The following TNRC6B variants were observed in gnomAD, a reference collection of about 807,000 sequenced individuals.
TNRC6B encodes the protein trinucleotide repeat containing adaptor 6B, also known as trinucleotide repeat-containing gene 6B protein.
In TNRC6B, 52 loss-of-function variants were observed where a neutral mutation model predicts 203.6. The ratio of observed to expected loss-of-function variants is 0.26; its 90% CI spans 0.20 to 0.32. The LOEUF (loss-of-function observed/expected upper bound fraction) is 0.32. TNRC6B is among the 10% of genes least tolerant of loss of function. The pLI, the probability that TNRC6B is intolerant of heterozygous loss-of-function variation, is 1.00. For synonymous variants in TNRC6B, 838 were observed against 845.7 expected, an observed-to-expected ratio of 0.99 and a Z score of 0.16; for missense variants, 1,923 against 2,286.2, an observed-to-expected ratio of 0.84 and a Z score of 3.24.
At chr22:40,318,297 C>T (rs990203503) in intron 21 of TNRC6B, among the ~76,000 whole-genome samples, 7 of 152,168 alleles carry the variant, frequency 4.6e-5, no homozygotes, top group African/African-American at 1.7e-4. Context: ...CCTGTAATCC[C>T]AGCACTTTGG....
chr22:40,180,202 T>C (rs2069114326), intron 1 of TNRC6B, among the ~76,000 whole-genome samples: 1 of 152,244 alleles, frequency 6.6e-6, no homozygotes, highest in Non-Finnish European at 1.5e-5. Flanking sequence ...TTTTTGTTGC[T>C]GTTTTTCTGA....
intron 1 of TNRC6B, among the ~76,000 whole-genome samples, chr22:40,108,410 G>A (rs962976198): frequency 6.6e-6 from 1 of 152,198 alleles, no homozygotes; most frequent in Non-Finnish European, 1.5e-5. Context: ...TTGGAAGTTA[G>A]GGCTTAGGAG....
intron 12 of TNRC6B, among the ~76,000 whole-genome samples, chr22:40,286,719 G>A (rs942290956): frequency 2.6e-5 from 4 of 152,186 alleles, no homozygotes; most frequent in Admixed American, 2.6e-4. Flanking sequence ...CTGTCCCTTA[G>A]TAGGAGATGT....
intron 1 of TNRC6B, among the ~76,000 whole-genome samples, chr22:40,105,929 C>A (rs889344326): frequency 7.2e-5 from 11 of 152,144 alleles, no homozygotes; most frequent in African/African-American, 2.7e-4. Context: ...ATAGCCCGAG[C>A]AACACTTAAT....
chr22:40,136,401 GTA>G (rs1555884886), intron 3 of TNRC6B, among the ~76,000 whole-genome samples: 1 of 140,986 alleles, frequency 7.1e-6, no homozygotes, highest in Non-Finnish European at 1.5e-5. Context: ...GTGTGTGTGT[GTA>G]TACTTTTTTT....
chr22:40,166,409 C>T (rs567243286), intron 4 of TNRC6B, among the ~76,000 whole-genome samples: 1 of 150,550 alleles, frequency 6.6e-6, no homozygotes, highest in African/African-American at 2.4e-5. Context: ...TTTTCCCCTA[C>T]ATTTTTTGGC....
At chr22:40,288,378 T>C (rs1047740213) in intron 12 of TNRC6B, among the ~76,000 whole-genome samples, 1 of 152,142 alleles carries the variant, frequency 6.6e-6, no homozygotes, top group African/African-American at 2.4e-5. Context: ...CTATTAAAGA[T>C]TTTTCAGCTG....
At chr22:40,237,253 C>G (rs2069960645) in intron 1 of TNRC6B, among the ~76,000 whole-genome samples, 1 of 152,184 alleles carries the variant, frequency 6.6e-6, no homozygotes, top group African/African-American at 2.4e-5. Flanking sequence ...GCACTGCAGG[C>G]TGTCTTCAGA....
At chr22:40,272,965 A>G (rs2070585070) in intron 6 of TNRC6B, among the ~76,000 whole-genome samples, 1 of 152,230 alleles carries the variant, frequency 6.6e-6, no homozygotes, top group Admixed American at 6.5e-5. Context: ...CTTCACCCCA[A>G]GCAAGCTAGA....
intron 1 of TNRC6B, among the ~76,000 whole-genome samples, chr22:40,099,925 G>C (rs145196721): frequency 2.8e-4 from 42 of 151,990 alleles, no homozygotes; most frequent in African/African-American, 8.9e-4. Flanking sequence ...TAATTTTTTT[G>C]TATTTTTAGC....
At chr22:40,125,997 G>T (rs895561882) in intron 3 of TNRC6B, 5 of 888,512 alleles carry the variant, frequency 5.6e-6, no homozygotes, top group African/African-American at 1.7e-5. Context: ...ATAAGATTGA[G>T]AAATATTTTT....
At position 40,266,661 on chromosome 22, in the gene TNRC6B, C is replaced by T. The variant is rs1484668395; in HGVS notation, c.2431C>T (p.Arg811Ter). 6.2e-7 allele frequency: 1 copy of T among 1,613,080 alleles called. No individual in the cohort carries two copies. The highest frequency in any genetic ancestry group is 2.2e-5 in the East Asian group (1 of 44,874). Residue 811 changes from arginine to a stop codon, truncating the protein, a stop_gained, in exon 5 of 23, where the codon CGA becomes TGA. Transcript: ENST00000454349. LOFTEE classifies it high-confidence loss of function. ...KRSPAWNETG[R>*]QPNSWNKQHQ... ...ATCCCCAGCATGGAATGAGACGGGCCGACAGCCCAATTCCTGGAATAAACA... is the reference window on the plus strand; with the variant it reads ...ATCCCCAGCATGGAATGAGACGGGCTGACAGCCCAATTCCTGGAATAAACA...
chr22:40,248,717 T>A lies in TNRC6B; in HGVS notation c.94-2462T>A, dbSNP rs180776647. Reference sequence around the variant, plus strand: ...GCATTAAGAACTGATGAAGAAGTGATAGCAAAGGGGAAAATTACCGTAAAT... The same window carrying A: ...GCATTAAGAACTGATGAAGAAGTGAAAGCAAAGGGGAAAATTACCGTAAAT... On this transcript the variant is annotated intron_variant, in intron 2 of 22. Transcript: ENST00000454349. Among the ~76,000 whole-genome samples, 232 of 152,316 alleles carry A rather than the reference T, an allele frequency of 1.5e-3. 1 individual carries two copies. The highest frequency in any genetic ancestry group is 6.0e-4 in the Non-Finnish European group (41 of 68,010).
intron 1 of TNRC6B, among the ~76,000 whole-genome samples, chr22:40,049,209 A>G (rs1179200886): frequency 6.6e-6 from 1 of 152,018 alleles, no homozygotes; most frequent in Admixed American, 6.5e-5. Flanking sequence ...TGTGTTAGCC[A>G]GGATGGTCTC....
At position 40,334,872 on chromosome 22, in the gene TNRC6B, T is replaced by G. The variant is rs1186562893; in HGVS notation, c.*11631T>G. ...GGCATCAAAAAGAGGCTGGATTTTT[T>G]AAAAGGCAGCTTTCCAACTTTGCAC... On this transcript the variant is annotated 3_prime_UTR_variant, in exon 23 of 23. Transcript: ENST00000454349. 6.6e-6 allele frequency: 1 copy of G among 152,638 alleles called. No individual in the cohort carries two copies. The highest frequency in any genetic ancestry group is 3.2e-3 in the Middle Eastern group (1 of 316). 9.5% of individuals were successfully genotyped at this position (152,638 alleles called of 1,614,324 possible). A position where few individuals can be genotyped will look rare whatever the true frequency, so the allele number is the denominator to read the frequency against.
intron 8 of TNRC6B, 85 bp downstream of exon 8, chr22:40,277,236 T>C (rs1237145179): frequency 6.5e-6 from 6 of 926,904 alleles, no homozygotes; most frequent in Middle Eastern, 3.3e-4. Context: ...CTGCCACATA[T>C]AGTACAAAAT....
At chr22:40,190,936 G>C (rs2069262624) in intron 1 of TNRC6B, among the ~76,000 whole-genome samples, 1 of 152,242 alleles carries the variant, frequency 6.6e-6, no homozygotes. Context: ...GCACTGTATA[G>C]TGCTGGAAAC....
At chr22:40,184,687 T>G (rs879904819) in intron 1 of TNRC6B, among the ~76,000 whole-genome samples, 4 of 152,096 alleles carry the variant, frequency 2.6e-5, no homozygotes, top group Non-Finnish European at 5.9e-5. Context: ...GACAACAGAG[T>G]TGGGGACAAA....
chr22:40,177,921 C>G (rs1053566982), upstream of TNRC6B: 6 of 1,347,620 alleles, frequency 4.5e-6, no homozygotes, highest in Non-Finnish European at 5.7e-6. Context: ...AAGCTGCTTC[C>G]TTTAGAGACA....
Sources: gnomAD v4.1 joint callset for allele counts (sites outside exome capture counted in the v4.1 genomes callset) on GRCh38, gnomAD v4.1.1 for gene constraint, MANE v1.5 for transcripts, NCBI Gene and HGNC (gene_info 2026-07-23, HGNC 2026-07-21) for gene names.